CHN1: variants seen among roughly 807,000 people sequenced by gnomAD.
The protein encoded by CHN1 is chimerin 1, also known as N-chimaerin.
A neutral mutation model predicts 59.5 loss-of-function variants in CHN1; 37 were observed. That is an observed-to-expected ratio of 0.62 (90% CI 0.48 to 0.82). The LOEUF (loss-of-function observed/expected upper bound fraction) is 0.82, where lower values mean the gene tolerates loss of function less well. Among genes scored for constraint, CHN1 ranks in the 40% least tolerant of loss-of-function variants. The probability of loss-of-function intolerance (pLI) is 0.00; values close to 1 mark genes in which losing one functional copy is unlikely to be tolerated. For missense variants in CHN1, 469 were observed against 571.0 expected, an observed-to-expected ratio of 0.82 and a Z score of 1.82; for synonymous variants, 206 against 200.4, an observed-to-expected ratio of 1.03 and a Z score of -0.24.
At chr2:174,825,331 T>A (rs1213995243) in intron 7 of CHN1, among the ~76,000 whole-genome samples, 36 of 152,202 alleles carry the variant, frequency 2.4e-4, no homozygotes, top group Non-Finnish European at 5.9e-5. Flanking sequence ...TTAAAACATT[T>A]GATATTTATT....
At chr2:174,915,675 AC>A in intron 4 of CHN1, among the ~76,000 whole-genome samples, 1 of 152,200 alleles carries the variant, frequency 6.6e-6, no homozygotes, top group East Asian at 1.9e-4. Flanking sequence ...GCATTACTGA[AC>A]ACTCAAGTCC....
chr2:174,895,703 C>T (rs1236584013), intron 5 of CHN1, among the ~76,000 whole-genome samples: 1 of 152,110 alleles, frequency 6.6e-6, no homozygotes, highest in Non-Finnish European at 1.5e-5. Flanking sequence ...TACCCTTAAT[C>T]TAAAAACTGA....
At chr2:174,878,185 C>T in intron 5 of CHN1, 57 bp from the exon 6 acceptor site, 2 of 1,407,594 alleles carry the variant, frequency 1.4e-6, no homozygotes, top group Non-Finnish European at 1.9e-6. Flanking sequence ...TGAATTCTTT[C>T]TGAAAAAAAA....
At chr2:174,997,677 T>C (rs922004859) in intron 1 of CHN1, among the ~76,000 whole-genome samples, 1 of 152,004 alleles carries the variant, frequency 6.6e-6, no homozygotes, top group African/African-American at 2.4e-5. Context: ...CCTAAAATCA[T>C]CTTTACCAGA....
intron 6 of CHN1, among the ~76,000 whole-genome samples, chr2:174,851,961 T>G (rs1424715791): frequency 6.6e-6 from 1 of 152,046 alleles, no homozygotes; most frequent in East Asian, 1.9e-4. Context: ...ACCAATAATG[T>G]CCATGCTGAG....
In CHN1 at chr2:175,005,368, A is replaced by T; in HGVS notation, c.-456T>A. The T allele has an allele frequency of 9.1e-7, 1 of 1,100,282 alleles. No individual in the cohort carries two copies. Among genetic ancestry groups the T allele is most frequent in the Non-Finnish European group, 1.1e-6 (1 of 894,746 alleles). 68.2% of individuals were successfully genotyped at this position (1,100,282 alleles called of 1,614,324 possible). A position where few individuals can be genotyped will look rare whatever the true frequency, so the allele number is the denominator to read the frequency against. Reference sequence around the variant, plus strand: ...GCGGCCTCGCAGACGCCATCTTGCGATAGCGTCTCCCACGAGCTCGGCCGC... The same window carrying T: ...GCGGCCTCGCAGACGCCATCTTGCGTTAGCGTCTCCCACGAGCTCGGCCGC... On this transcript the variant is annotated 5_prime_UTR_variant, in exon 1 of 13. Coordinates refer to ENST00000409900, the MANE Select transcript of CHN1 (RefSeq NM_001822.7).
At chr2:174,944,271 C>T (rs1159269926) in intron 3 of CHN1, among the ~76,000 whole-genome samples, 1 of 152,074 alleles carries the variant, frequency 6.6e-6, no homozygotes. Context: ...GTAGATACTA[C>T]AAAATTCTCA....
At chr2:174,833,075 G>A (rs925889129) in intron 7 of CHN1, among the ~76,000 whole-genome samples, 3 of 152,084 alleles carry the variant, frequency 2.0e-5, no homozygotes, top group Non-Finnish European at 2.9e-5. Context: ...GAATCTTCCA[G>A]TTCACTTGAA....
At chr2:174,862,736 T>A (rs1195519521) in intron 6 of CHN1, among the ~76,000 whole-genome samples, 1 of 152,212 alleles carries the variant, frequency 6.6e-6, no homozygotes, top group Non-Finnish European at 1.5e-5. Context: ...TTTAGAGTTT[T>A]ACACTTCCAC....
intron 1 of CHN1, among the ~76,000 whole-genome samples, chr2:174,957,208 C>A (rs569770052): frequency 6.6e-6 from 1 of 152,218 alleles, no homozygotes; most frequent in East Asian, 1.9e-4. Flanking sequence ...GCTTGGGGAC[C>A]ATTTTAAATG....
At chr2:174,955,182 A>G (rs1558996559) in intron 1 of CHN1, among the ~76,000 whole-genome samples, 9 of 10,216 alleles carry the variant, frequency 8.8e-4, no homozygotes, top group African/African-American at 1.3e-3. Context: ...ATATATCTAT[A>G]TCTATATATA....
intron 1 of CHN1, among the ~76,000 whole-genome samples, chr2:174,976,126 C>CAAAAAAAA (rs71031078): frequency 1.2e-4 from 6 of 50,190 alleles, no homozygotes; most frequent in African/African-American, 5.3e-4. Flanking sequence ...GACTCCGTCT[C>CAAAAAAAA]AAAAAAAAAA....
rs565186308 is a variant in CHN1 at position 174,861,286 on chromosome 2, C to T, written c.550-14329G>A. 7.9e-5 allele frequency among the ~76,000 whole-genome samples: 12 copies of T among 152,104 alleles called. No homozygotes were observed. The South Asian group carries it at 2.3e-3, about 29-fold the overall frequency. ...TACATAAGGCATATATTTTTAGTAC[C>T]CAGCATGCAGAGAGCTCTCAAAACT... On this transcript the variant is annotated intron_variant, in intron 6 of 12. Transcript: ENST00000409900.
Position 174,939,972 on chromosome 2 carries a change from CA to C in CHN1, c.114+4915del, listed in dbSNP as rs554410349. Among the ~76,000 whole-genome samples, 566 of 152,220 alleles carry C rather than the reference CA, an allele frequency of 3.7e-3. 4 individuals are homozygous for C. The highest frequency in any genetic ancestry group is 0.013 in the African/African-American group (542 of 41,552). On this transcript the variant is annotated intron_variant, in intron 3 of 12. Transcript: ENST00000409900. ...TGTTTTAAACCAGAAGTCACAATAA[CA>C]AAATCTATTTTAACATTTTTATCAA...
intron 1 of CHN1, among the ~76,000 whole-genome samples, chr2:174,968,648 G>A (rs1690663884): frequency 6.6e-6 from 1 of 152,178 alleles, no homozygotes; most frequent in South Asian, 2.1e-4. Context: ...TGAAAGATCT[G>A]GGGCTGTAAC....
intron 1 of CHN1, among the ~76,000 whole-genome samples, chr2:174,956,719 C>A (rs1024168070): frequency 6.7e-6 from 1 of 149,920 alleles, no homozygotes; most frequent in Non-Finnish European, 1.5e-5. Context: ...CTGCAGTGAG[C>A]TGAGATCACA....
In CHN1 at chr2:174,898,344, G is replaced by A. The variant is rs112530673; in HGVS notation, c.260+16714C>T. ...TGGCCAGGCGCAGTGGCTCACGCCT[G>A]TAATCCCAGAACTTTGGGAAGCCAA... On this transcript the variant is annotated intron_variant, in intron 5 of 12. Transcript: ENST00000409900. Among the ~76,000 whole-genome samples, 1,422 of 151,870 alleles carry A rather than the reference G, an allele frequency of 9.4e-3. 24 individuals are homozygous for A. Among genetic ancestry groups the A allele is most frequent in the African/African-American group, 0.032 (1,339 of 41,348 alleles).
rs546699816 is a variant in CHN1 at position 174,974,244 on chromosome 2, A to T, written c.20-22042T>A. Among the ~76,000 whole-genome samples, 4 of 152,314 alleles carry T rather than the reference A, an allele frequency of 2.6e-5. No individual in the cohort carries two copies. In the South Asian group the frequency reaches 8.3e-4, roughly 32 times the overall value. ...ATGTGGATTTCTAATAAGCAATATT[A>T]TTTGTTATTCAAAAAGCAGACTGAG... On this transcript the variant is annotated intron_variant, in intron 1 of 12. Coordinates refer to ENST00000409900, the MANE Select transcript of CHN1 (RefSeq NM_001822.7).
Position 174,872,821 on chromosome 2 carries a change from T to C in CHN1, c.549+5019A>G, listed in dbSNP as rs374342610. 3.3e-5 allele frequency among the ~76,000 whole-genome samples: 5 copies of C among 152,290 alleles called. No individual in the cohort carries two copies. The South Asian group carries it at 6.2e-4, about 19-fold the overall frequency. On this transcript the variant is annotated intron_variant, in intron 6 of 12. Coordinates refer to ENST00000409900, the MANE Select transcript of CHN1 (RefSeq NM_001822.7). ...CTAAGACCCAGGAATGGGCACCTGG[T>C]TGGGGACTACTCTGATCCCAGAAAG...
Sources: allele counts gnomAD v4.1 joint callset (sites outside exome capture counted in the v4.1 genomes callset), GRCh38; gene constraint gnomAD v4.1.1; transcripts MANE v1.5; gene names NCBI Gene and HGNC (gene_info 2026-07-23, HGNC 2026-07-21).